The following TTLL7 variants were observed in gnomAD, a reference collection of about 807,000 sequenced individuals.
The protein encoded by TTLL7 is tubulin polyglutamylase TTLL7.
In TTLL7, 53 loss-of-function variants were observed where a neutral mutation model predicts 120.2. The observed-to-expected ratio is 0.44, with a 90% confidence interval of 0.35 to 0.55. The LOEUF (loss-of-function observed/expected upper bound fraction) is 0.55, where lower values mean the gene tolerates loss of function less well. Ranked by LOEUF, TTLL7 falls within the 20% of genes least tolerant of loss-of-function variation. The pLI is 0.00. For synonymous variants in TTLL7, 353 were observed against 351.7 expected, an observed-to-expected ratio of 1.00 and a Z score of -0.04; for missense variants, 803 against 1,054.7, an observed-to-expected ratio of 0.76 and a Z score of 3.31.
rs559855731 is a variant in TTLL7, at chr1:83,875,505, G to A, written c.2544-5423C>T. 4.0e-5 allele frequency among the ~76,000 whole-genome samples: 6 copies of A among 151,836 alleles called. No individual in the cohort carries two copies. In the South Asian group the frequency reaches 1.0e-3, roughly 26 times the overall value. ...ATGCTACTGTAATCATTCTAATAAG[G>A]GTCTTATGCACATGTGCACACATCT... On this transcript the variant is annotated intron_variant, in intron 20 of 20. Coordinates refer to ENST00000260505, the MANE Select transcript of TTLL7 (RefSeq NM_024686.6).
rs144981334 is a variant in TTLL7 at position 83,941,247 on chromosome 1, C to T, written c.723+1216G>A. 2.4e-3 allele frequency among the ~76,000 whole-genome samples: 363 copies of T among 152,348 alleles called. 3 individuals are homozygous for T. Among genetic ancestry groups the T allele is most frequent in the African/African-American group, 8.5e-3 (353 of 41,578 alleles). ...CAGTTTCTTAAACCATCACACTTAC[C>T]ATCAGATATTATAATTGCTTATTTT... On this transcript the variant is annotated intron_variant, in intron 7 of 20. Transcript: ENST00000260505.
chr1:83,977,864 T>A (rs1054794819), intron 1 of TTLL7, among the ~76,000 whole-genome samples: 4 of 152,218 alleles, frequency 2.6e-5, no homozygotes, highest in African/African-American at 9.6e-5. Context: ...GGTTTTAGAA[T>A]AGAACAATGT....
chr1:83,886,891 T>G (rs576261944), intron 19 of TTLL7, among the ~76,000 whole-genome samples: 1 of 152,116 alleles, frequency 6.6e-6, no homozygotes, highest in Non-Finnish European at 1.5e-5. Context: ...ACTTCCTCTA[T>G]CCCAGTAAAA....
intron 19 of TTLL7, among the ~76,000 whole-genome samples, chr1:83,885,249 C>T (rs1654882559): frequency 6.6e-6 from 1 of 151,862 alleles, no homozygotes; most frequent in African/African-American, 2.4e-5. Context: ...TTGGGTATGT[C>T]TATAAAAGTC....
chr1:83,986,392 A>T (rs560798398), intron 1 of TTLL7, among the ~76,000 whole-genome samples: 1 of 152,302 alleles, frequency 6.6e-6, no homozygotes, highest in Non-Finnish European at 1.5e-5. Context: ...AATTGATACT[A>T]AAAAAAGTAT....
Position 83,929,190 on chromosome 1 carries a change from T to G in TTLL7, c.1088A>C (p.Asp363Ala). 1 of 1,612,680 alleles carries G rather than the reference T, an allele frequency of 6.2e-7. No individual in the cohort carries two copies. The highest frequency in any genetic ancestry group is 8.5e-7 in the Non-Finnish European group (1 of 1,179,070). ...APSFGTDQKI[D>A]YDVKRGVLLN... ...CAGCACTCCCCTTTTTACATCATAGTCTATTTTCTGATCAGTTCCAAAGCT... is the reference window on the plus strand; with the variant it reads ...CAGCACTCCCCTTTTTACATCATAGGCTATTTTCTGATCAGTTCCAAAGCT... The change falls in exon 10 of 21, where the codon GAC becomes GCC. Residue 363 changes from aspartate to alanine, a missense_variant. Asp to Ala is a moderately radical substitution (Grantham distance 126). Coordinates refer to ENST00000260505, the MANE Select transcript of TTLL7 (RefSeq NM_024686.6).
rs1649140387 is a variant in TTLL7 at position 83,952,359 on chromosome 1, G to A, written c.-148C>T. ...TCTTGGTGGAATCCTCAGATTTCAG[G>A]ATACCAAAGTTATGGGATAACAAGG... On this transcript the variant is annotated 5_prime_UTR_variant, in exon 2 of 21. Transcript: ENST00000260505. The A allele has an allele frequency of 1.3e-6, 1 of 749,332 alleles. No homozygotes were observed. The highest frequency in any genetic ancestry group is 2.0e-6 in the Non-Finnish European group (1 of 492,880). The allele number at this position is 749,332 out of a possible 1,614,324, so 46.4% of individuals were successfully genotyped here.
rs963377137 is a variant in TTLL7, at chr1:83,866,091, T to C, written c.*3871A>G. 1 of 151,856 alleles carries C rather than the reference T, an allele frequency of 6.6e-6. No individual in the cohort carries two copies. The highest frequency in any genetic ancestry group is 2.4e-5 in the African/African-American group (1 of 41,444). The allele number at this position is 151,856 out of a possible 1,614,324, so 9.4% of individuals were successfully genotyped here. A position where few individuals can be genotyped will look rare whatever the true frequency, so the allele number is the denominator to read the frequency against. On this transcript the variant is annotated 3_prime_UTR_variant, in exon 21 of 21. Coordinates refer to ENST00000260505, the MANE Select transcript of TTLL7 (RefSeq NM_024686.6). ...ACAGTTATACATTTTATTTAACCCCTATGACCATGTAAACTAAGACTCAAA... is the reference window on the plus strand; with the variant it reads ...ACAGTTATACATTTTATTTAACCCCCATGACCATGTAAACTAAGACTCAAA...
chr1:83,930,011 T>C (rs1214587718), intron 9 of TTLL7, among the ~76,000 whole-genome samples: 1 of 152,080 alleles, frequency 6.6e-6, no homozygotes, highest in Admixed American at 6.6e-5. Flanking sequence ...AACTTGCACC[T>C]GAAGAAATAT....
At position 83,937,987 on chromosome 1, in the gene TTLL7, G is replaced by A; in HGVS notation, c.753C>T (p.Tyr251=). The part of the protein sequence containing the change: ...LTQLYMHLTN[Y]SVNKHNEHFE... Reference sequence around the variant, plus strand: ...AATGCTCATTATGCTTGTTCACGGAGTAGTTTGTCAGATGCATGTATAACT... The same window carrying A: ...AATGCTCATTATGCTTGTTCACGGAATAGTTTGTCAGATGCATGTATAACT... The change falls in exon 8 of 21, where the codon TAC becomes TAT. Residue 251 remains tyrosine (Y), a synonymous_variant. Transcript: ENST00000260505. The A allele has an allele frequency of 1.2e-6, 2 of 1,614,030 alleles. No individual in the cohort carries two copies. Among genetic ancestry groups the A allele is most frequent in the East Asian group, 4.5e-5 (2 of 44,866 alleles).
Position 83,917,615 on chromosome 1 carries a change from G to A in TTLL7, c.1576C>T (p.Arg526Ter). 4 of 1,611,870 alleles carry A rather than the reference G, an allele frequency of 2.5e-6. No homozygotes were observed. Among genetic ancestry groups the A allele is most frequent in the East Asian group, 2.2e-5 (1 of 44,810 alleles). ...EKLMGKTTKT[R>*]GPKPLCSMPE... ...GAGATATACTGCACCTTTGGTCCTC[G>A]AGTCTTGGTAGTTTTTCCCATCAAC... The change falls in exon 14 of 21, where the codon CGA becomes TGA. Residue 526 changes from arginine to a stop codon, truncating the protein, a stop_gained. Transcript: ENST00000260505. LOFTEE classifies it high-confidence loss of function.
intron 11 of TTLL7, 40 bp downstream of exon 11, chr1:83,921,207 T>C (rs1410370871): frequency 2.5e-6 from 4 of 1,609,708 alleles, no homozygotes; most frequent in Non-Finnish European, 3.4e-6. Flanking sequence ...AAGTGAATTA[T>C]GCAATTTAAA....
At chr1:83,962,637 C>T (rs1650109358) in intron 1 of TTLL7, among the ~76,000 whole-genome samples, 1 of 152,142 alleles carries the variant, frequency 6.6e-6, no homozygotes, top group South Asian at 2.1e-4. Flanking sequence ...TACTAAGTAA[C>T]TACATTTCCC....
intron 6 of TTLL7, among the ~76,000 whole-genome samples, chr1:83,945,736 T>C (rs1421520156): frequency 6.6e-6 from 1 of 151,880 alleles, no homozygotes; most frequent in Non-Finnish European, 1.5e-5. Context: ...TGTTTTAATA[T>C]CAAATATAAG....
At chr1:83,899,128 T>C (rs1656493952) in intron 18 of TTLL7, among the ~76,000 whole-genome samples, 2 of 151,902 alleles carry the variant, frequency 1.3e-5, no homozygotes. Flanking sequence ...CTCCTTATAT[T>C]AAAGTAGTTA....
At chr1:83,914,122 G>A (rs1333980701) in intron 14 of TTLL7, among the ~76,000 whole-genome samples, 1 of 151,616 alleles carries the variant, frequency 6.6e-6, no homozygotes, top group African/African-American at 2.4e-5. Flanking sequence ...ATTCAGAACA[G>A]TCTCTGATAT....
chr1:83,960,399 A>C (rs1286102940), intron 1 of TTLL7, among the ~76,000 whole-genome samples: 1 of 152,176 alleles, frequency 6.6e-6, no homozygotes, highest in Non-Finnish European at 1.5e-5. Flanking sequence ...AAAGCAACAG[A>C]CATAAGGAGA....
chr1:83,918,999 GAA>G, intron 13 of TTLL7, among the ~76,000 whole-genome samples: 1 of 151,970 alleles, frequency 6.6e-6, no homozygotes, highest in Non-Finnish European at 1.5e-5. Context: ...TGTGTAGGGA[GAA>G]AGAGATACCA....
chr1:83,942,660 C>A lies in TTLL7; in HGVS notation c.526G>T (p.Gly176Cys). 1 of 1,611,470 alleles carries A rather than the reference C, an allele frequency of 6.2e-7. No homozygotes were observed. The highest frequency in any genetic ancestry group is 1.1e-5 in the South Asian group (1 of 90,800). The change falls in exon 7 of 21, where the codon GGT becomes TGT. Residue 176 changes from glycine (G) to cysteine (C), a missense_variant. By Grantham distance (159) the Gly-to-Cys change is radical. Transcript: ENST00000260505. ...MGHGISLIRN[G>C]DKLPSQDHLI... ...TGATCCTGAGATGGAAGTTTGTCAC[C>A]ATTTCTTATCAAAGAAATCCTATGT...
Sources: gnomAD v4.1 joint callset for allele counts (sites outside exome capture counted in the v4.1 genomes callset) on GRCh38, gnomAD v4.1.1 for gene constraint, MANE v1.5 for transcripts, NCBI Gene and HGNC (gene_info 2026-07-23, HGNC 2026-07-21) for gene names.